Variants in APBA1 observed in about 807,000 individuals in gnomAD.
The protein encoded by APBA1 is amyloid beta precursor protein binding family A member 1, also known as amyloid-beta A4 precursor protein-binding family A member 1.
Under a neutral mutation model 86.6 loss-of-function variants are expected in APBA1, and 55 were observed. That is an observed-to-expected ratio of 0.64 (90% CI 0.51 to 0.80). APBA1 has a LOEUF of 0.80. APBA1 is among the 30% of genes least tolerant of loss of function. APBA1 has a pLI of 0.00. For synonymous variants in APBA1, 511 were observed against 493.9 expected (o/e 1.03, Z -0.46); for missense variants, 1,090 against 1,183.0 (o/e 0.92, Z 1.15).
chr9:69,601,049 A>C (rs951580147), intron 1 of APBA1, among the ~76,000 whole-genome samples: 2 of 151,984 alleles, frequency 1.3e-5, no homozygotes, highest in African/African-American at 2.4e-5. Flanking sequence ...TACAAAAAGA[A>C]AAGTTGATAA....
At chr9:69,502,654 G>A (rs903319123) in intron 2 of APBA1, among the ~76,000 whole-genome samples, 1 of 152,036 alleles carries the variant, frequency 6.6e-6, no homozygotes, top group Admixed American at 6.5e-5. Flanking sequence ...TGGATTCTAA[G>A]TTGCAGAATG....
chr9:69,543,010 G>C (rs941312442), intron 1 of APBA1, among the ~76,000 whole-genome samples: 5 of 152,242 alleles, frequency 3.3e-5, no homozygotes, highest in Non-Finnish European at 7.3e-5. Flanking sequence ...GCCCCAGCCA[G>C]CCAGCTGCAG....
At chr9:69,600,103 T>C (rs533000440) in intron 1 of APBA1, among the ~76,000 whole-genome samples, 3 of 152,278 alleles carry the variant, frequency 2.0e-5, no homozygotes, top group African/African-American at 4.8e-5. Flanking sequence ...TCCCTGGTAA[T>C]GACCAGGAAG....
At chr9:69,495,153 C>A (rs1835775432) in intron 2 of APBA1, among the ~76,000 whole-genome samples, 1 of 152,076 alleles carries the variant, frequency 6.6e-6, no homozygotes, top group Admixed American at 6.5e-5. Context: ...GACTTCCAAG[C>A]CCCAGGCAAA....
chr9:69,634,902 T>C (rs1823124912), intron 1 of APBA1, among the ~76,000 whole-genome samples: 2 of 151,916 alleles, frequency 1.3e-5, no homozygotes, highest in African/African-American at 4.8e-5. Context: ...GAGGGAGAAA[T>C]AAAGATGTTC....
In APBA1 at chr9:69,516,770, G is replaced by A. The variant is rs763231981; in HGVS notation, c.441C>T (p.Pro147=). 9.0e-5 allele frequency: 145 copies of A among 1,611,632 alleles called. No individual in the cohort carries two copies. Among genetic ancestry groups the A allele is most frequent in the Middle Eastern group, 3.3e-4 (2 of 6,060 alleles). The change falls in exon 2 of 13, where the codon CCC becomes CCT. Residue 147 remains proline, a synonymous_variant. Transcript: ENST00000265381. This position sits in a 1 kb window ranked among gnomAD's most constrained non-coding sequence, Gnocchi z 7.3. ...HAEATHRRAL[P]NHLHFHSLEH... The stretch of plus-strand genomic sequence containing the variant: ...CCAGCGAGTGGAAGTGCAGGTGGTT[G>A]GGCAGCGCGCGGCGGTGCGTGGCCT...
intron 1 of APBA1, among the ~76,000 whole-genome samples, chr9:69,566,554 G>A (rs951211695): frequency 3.3e-5 from 5 of 152,152 alleles, no homozygotes; most frequent in African/African-American, 1.2e-4. Flanking sequence ...TCACTTTTCT[G>A]CTCAATGATT....
intron 1 of APBA1, among the ~76,000 whole-genome samples, chr9:69,562,457 C>A (rs1836961619): frequency 6.6e-6 from 1 of 152,110 alleles, no homozygotes; most frequent in East Asian, 1.9e-4. Context: ...TCACTGCAAC[C>A]TCTGCCTCCT....
At chr9:69,469,017 T>C (rs1835325576) in intron 4 of APBA1, among the ~76,000 whole-genome samples, 2 of 152,064 alleles carry the variant, frequency 1.3e-5, no homozygotes, top group Admixed American at 6.5e-5. Context: ...GGCACTACCA[T>C]GCCCAACTAA....
chr9:69,597,791 T>C (rs1822260824), intron 1 of APBA1, among the ~76,000 whole-genome samples: 1 of 152,246 alleles, frequency 6.6e-6, no homozygotes, highest in African/African-American at 2.4e-5. Flanking sequence ...ATTGCTTGTT[T>C]TTCTCAGGTT....
chr9:69,512,408 A>G (rs62567205), intron 2 of APBA1, among the ~76,000 whole-genome samples: 22,928 of 152,178 alleles, frequency 0.15, 2,302 homozygotes, highest in East Asian at 0.28. Flanking sequence ...AGTGTTAAAA[A>G]CAGATTTAGC....
At chr9:69,555,671 C>A (rs544702210) in intron 1 of APBA1, among the ~76,000 whole-genome samples, 54 of 152,010 alleles carry the variant, frequency 3.6e-4, no homozygotes, top group Non-Finnish European at 7.2e-4. Flanking sequence ...TATTTAATGC[C>A]TTTTTAAAAT....
At chr9:69,455,606 A>C (rs1342979154) in intron 8 of APBA1, among the ~76,000 whole-genome samples, 1 of 152,194 alleles carries the variant, frequency 6.6e-6, no homozygotes, top group East Asian at 1.9e-4. Flanking sequence ...GGTTTTCCTA[A>C]GGACTGGGGT....
At position 69,483,252 on chromosome 9, in the gene APBA1, AAC is replaced by A. The variant is rs200590689; in HGVS notation, c.1201-7111_1201-7110del. ...TGGCAATGTTTGACAAAAGGCATAA[AAC>A]ACAGAGAAAAACTAAACAGAGATGT... On this transcript the variant is annotated intron_variant, in intron 2 of 12. Coordinates refer to ENST00000265381, the MANE Select transcript of APBA1 (RefSeq NM_001163.4). Among the ~76,000 whole-genome samples, 419 of 151,554 alleles carry A rather than the reference AAC, an allele frequency of 2.8e-3. 2 individuals carry two copies. The highest frequency in any genetic ancestry group is 9.7e-3 in the African/African-American group (402 of 41,356).
intron 1 of APBA1, among the ~76,000 whole-genome samples, chr9:69,596,036 G>A (rs1051145850): frequency 3.9e-5 from 6 of 152,102 alleles, no homozygotes; most frequent in Admixed American, 2.0e-4. Flanking sequence ...CATCCAGGCT[G>A]GTGTGCAGTG....
At chr9:69,474,887 A>C (rs1835418162) in intron 3 of APBA1, among the ~76,000 whole-genome samples, 1 of 152,226 alleles carries the variant, frequency 6.6e-6, no homozygotes, top group Non-Finnish European at 1.5e-5. Flanking sequence ...CTCAGTTTAA[A>C]CAGAGATTTC....
chr9:69,658,222 CTCTTTCTTTCTTTCTTTCTTTCTTTCTT>C (rs1212486587), intron 1 of APBA1, among the ~76,000 whole-genome samples: 9 of 104,304 alleles, frequency 8.6e-5, no homozygotes, highest in African/African-American at 2.5e-4. Context: ...AGTCCTTTCT[CTCTTTCTTTCTTTCTTTCTTTCTTTCTT>C]TCTTTCTTTC....
chr9:69,606,999 A>G (rs527613806), intron 1 of APBA1, among the ~76,000 whole-genome samples: 39 of 152,318 alleles, frequency 2.6e-4, no homozygotes, highest in African/African-American at 9.1e-4. Context: ...TAAGAGATAC[A>G]GCAGAAGTTC....
chr9:69,458,237 T>C, intron 5 of APBA1, 49 bp from the exon 6 acceptor site: 1 of 1,552,164 alleles, frequency 6.4e-7, no homozygotes, highest in Non-Finnish European at 8.8e-7. Flanking sequence ...AGAAAGAATG[T>C]GTAGAGACTC....
Sources: gnomAD v4.1 joint callset for allele counts (sites outside exome capture counted in the v4.1 genomes callset) on GRCh38, gnomAD v4.1.1 for gene constraint, Gnocchi (gnomAD v3.1) non-coding constraint, MANE v1.5 for transcripts, NCBI Gene and HGNC (gene_info 2026-07-23, HGNC 2026-07-21) for gene names.